USP24: variants seen among roughly 807,000 people sequenced by gnomAD.
The protein encoded by USP24 is ubiquitin carboxyl-terminal hydrolase 24.
USP24 carries 97 observed loss-of-function variants against 361.6 expected under a neutral mutation model. The ratio of observed to expected loss-of-function variants is 0.27; its 90% CI spans 0.23 to 0.32. The LOEUF (loss-of-function observed/expected upper bound fraction) is 0.32. USP24 is among the 10% of genes least tolerant of loss of function. USP24 has a pLI of 1.00. For missense variants in USP24, 2,353 were observed against 3,165.6 expected, an observed-to-expected ratio of 0.74 and a Z score of 6.16; for synonymous variants, 1,098 against 1,124.6, an observed-to-expected ratio of 0.98 and a Z score of 0.47.
intron 1 of USP24, among the ~76,000 whole-genome samples, chr1:55,185,603 C>CAA: frequency 1.3e-5 from 2 of 152,090 alleles, no homozygotes; most frequent in Non-Finnish European, 2.9e-5. Context: ...CTCTGTCATC[C>CAA]AGGCTGGAGT....
chr1:55,155,582 A>G (rs1647558891), intron 12 of USP24, among the ~76,000 whole-genome samples: 2 of 152,210 alleles, frequency 1.3e-5, no homozygotes, highest in Admixed American at 1.3e-4. Context: ...CATGGGAAGT[A>G]ATATCTTGGG....
At position 55,097,034 on chromosome 1, in the gene USP24, C is replaced by T; in HGVS notation, c.5854G>A (p.Glu1952Lys). The change falls in exon 49 of 68, where the codon GAA becomes AAA. Residue 1952 changes from glutamate (E) to lysine (K), a missense_variant. This residue lies in a region of USP24 where 598 missense variants were observed against 761.9 expected (regional missense o/e 0.78). Transcript: ENST00000294383. ...GSPRKKVALT[E>K]NYELVGVIVH... Reference sequence around the variant, plus strand: ...ATGACACCGACAAGTTCATAGTTTTCTGTGAGGGCAACCTTTTTTCGTGGG... The same window carrying T: ...ATGACACCGACAAGTTCATAGTTTTTTGTGAGGGCAACCTTTTTTCGTGGG... 1 of 1,613,934 alleles carries T rather than the reference C, an allele frequency of 6.2e-7. No individual in the cohort carries two copies. Among genetic ancestry groups the T allele is most frequent in the Non-Finnish European group, 8.5e-7 (1 of 1,179,888 alleles).
At position 55,067,155 on chromosome 1, in the gene USP24, C is replaced by T. The variant is rs1644838245; in HGVS notation, c.*1890G>A. ...GGGGACTAGAAGTGGCAATTTCACT[C>T]CTGATTTTGGGCTCCTGAGAGTGCA... On this transcript the variant is annotated 3_prime_UTR_variant, in exon 68 of 68. Transcript: ENST00000294383. The T allele has an allele frequency of 6.6e-6, 1 of 152,102 alleles. No homozygotes were observed. Among genetic ancestry groups the T allele is most frequent in the Admixed American group, 6.5e-5 (1 of 15,270 alleles). 9.4% of individuals were successfully genotyped at this position (152,102 alleles called of 1,614,324 possible). A position where few individuals can be genotyped will look rare whatever the true frequency, so the allele number is the denominator to read the frequency against.
intron 1 of USP24, among the ~76,000 whole-genome samples, chr1:55,197,407 G>T (rs962418876): frequency 3.3e-5 from 5 of 152,264 alleles, no homozygotes; most frequent in African/African-American, 1.2e-4. Flanking sequence ...TCCATTATCT[G>T]TAACAGTCCC....
intron 1 of USP24, among the ~76,000 whole-genome samples, chr1:55,195,907 C>G (rs1248127785): frequency 6.6e-6 from 1 of 152,094 alleles, no homozygotes; most frequent in African/African-American, 2.4e-5. Context: ...CTGAACTGTA[C>G]ACTTAAAAAA....
chr1:55,155,743 G>A (rs910051869), intron 12 of USP24, among the ~76,000 whole-genome samples: 2 of 152,154 alleles, frequency 1.3e-5, no homozygotes, highest in Non-Finnish European at 2.9e-5. Context: ...GCTGGGAGAT[G>A]AGTGGCAGGA....
At chr1:55,210,353 A>AT (rs1644819277) in intron 1 of USP24, among the ~76,000 whole-genome samples, 1 of 151,850 alleles carries the variant, frequency 6.6e-6, no homozygotes, top group African/African-American at 2.4e-5. Flanking sequence ...AAATTATTTC[A>AT]TTTTTTTACT....
At chr1:55,144,279 T>C in intron 20 of USP24, 76 bp from the exon 21 acceptor site, 1 of 974,578 alleles carries the variant, frequency 1.0e-6, no homozygotes, top group Non-Finnish European at 1.5e-6. Context: ...TCAAAGTGGA[T>C]CAAGAACTAA....
In USP24 at chr1:55,115,495, C is replaced by CAAAA. The variant is rs1165658382; in HGVS notation, c.4508+5097_4508+5100dup. On this transcript the variant is annotated intron_variant, in intron 38 of 67. Transcript: ENST00000294383. ...TGGGCGACAGAGCGAGACTCCGCCT[C>CAAAA]AAAAAAAAAAAAAAAAAAAAAGGAA... Among the ~76,000 whole-genome samples the CAAAA allele has an allele frequency of 6.3e-4, 29 of 45,840 alleles. 5 individuals carry two copies. Among genetic ancestry groups the CAAAA allele is most frequent in the East Asian group, 5.8e-3 (6 of 1,036 alleles). 30.1% of individuals were successfully genotyped at this position (45,840 alleles called of 152,430 possible). A position where few individuals can be genotyped will look rare whatever the true frequency, so the allele number is the denominator to read the frequency against.
intron 3 of USP24, among the ~76,000 whole-genome samples, chr1:55,175,559 C>T (rs550361034): frequency 2.6e-5 from 4 of 152,048 alleles, no homozygotes; most frequent in Non-Finnish European, 5.9e-5. Context: ...CAAACATTAC[C>T]CATCTGTAGT....
intron 32 of USP24, among the ~76,000 whole-genome samples, chr1:55,127,889 T>C (rs1646481766): frequency 6.6e-6 from 1 of 152,156 alleles, no homozygotes. Flanking sequence ...GAGATCTCTA[T>C]GCCCTGACGC....
At chr1:55,099,279 A>G (rs1042096979) in intron 45 of USP24, among the ~76,000 whole-genome samples, 26 of 152,208 alleles carry the variant, frequency 1.7e-4, no homozygotes, top group Non-Finnish European at 5.9e-5. Context: ...ATTCTAGGCC[A>G]GGCATGGTAC....
chr1:55,102,420 G>C (rs1036692478), intron 42 of USP24, among the ~76,000 whole-genome samples: 1 of 152,166 alleles, frequency 6.6e-6, no homozygotes, highest in African/African-American at 2.4e-5. Flanking sequence ...ACTTCTTCAA[G>C]TGGAAAAGGA....
chr1:55,205,302 A>C (rs546554587), intron 1 of USP24, among the ~76,000 whole-genome samples: 112 of 152,332 alleles, frequency 7.4e-4, no homozygotes, highest in African/African-American at 2.7e-3. Flanking sequence ...TGTCATAAAA[A>C]CAATTAGCAA....
intron 62 of USP24, 70 bp from the exon 63 acceptor site, chr1:55,075,593 A>G: frequency 3.8e-6 from 4 of 1,052,520 alleles, no homozygotes; most frequent in Non-Finnish European, 5.6e-6. Context: ...TGCTTTCTTT[A>G]TAATTCTACC....
intron 45 of USP24, 141 bp from the exon 46 acceptor site, chr1:55,098,699 AC>A: frequency 1.5e-6 from 1 of 661,788 alleles, no homozygotes; most frequent in Non-Finnish European, 2.7e-6. Flanking sequence ...TGGAGGCTAA[AC>A]CCATTATTGG....
chr1:55,069,099 T>C lies in USP24; in HGVS notation c.7809A>G (p.Glu2603=), dbSNP rs1387906317. The change falls in exon 68 of 68, where the codon GAA becomes GAG. Residue 2603 remains glutamate, a synonymous_variant. Coordinates refer to ENST00000294383, the MANE Select transcript of USP24 (RefSeq NM_015306.3). ...NGDRHLQQGS[E]SPMMIGELRS... is the part of the protein sequence containing the mutation. ...TCAACTCACCAATCATCATGGGAGA[T>C]TCTGAACCCTGCAGAAAAGAAAAGG... The C allele has an allele frequency of 1.2e-6, 2 of 1,613,866 alleles. No individual in the cohort carries two copies. The highest frequency in any genetic ancestry group is 2.7e-5 in the African/African-American group (2 of 74,924).
Position 55,206,329 on chromosome 1 carries a change from G to A in USP24, c.324+8461C>T, listed in dbSNP as rs114086629. Among the ~76,000 whole-genome samples the A allele has an allele frequency of 7.8e-3, 1,187 of 152,294 alleles. 17 individuals carry two copies. The highest frequency in any genetic ancestry group is 0.026 in the African/African-American group (1,079 of 41,546). ...TGTACATGCAAAATGCAGTGGGAGAGTGTAGTGGTGTAAGACAAGTGTTCC... is the reference window on the plus strand; with the variant it reads ...TGTACATGCAAAATGCAGTGGGAGAATGTAGTGGTGTAAGACAAGTGTTCC... On this transcript the variant is annotated intron_variant, in intron 1 of 67. Coordinates refer to ENST00000294383, the MANE Select transcript of USP24 (RefSeq NM_015306.3).
At chr1:55,148,105 A>AT (rs2100716633) in intron 17 of USP24, among the ~76,000 whole-genome samples, 1 of 152,252 alleles carries the variant, frequency 6.6e-6, no homozygotes, top group African/African-American at 2.4e-5. Flanking sequence ...AAGTCTATAC[A>AT]TTGAGGAAAC....
Sources: gnomAD v4.1 joint callset for allele counts (sites outside exome capture counted in the v4.1 genomes callset) on GRCh38, gnomAD v4.1.1 for gene constraint, gnomAD v4.1.1 regional missense constraint, MANE v1.5 for transcripts, NCBI Gene and HGNC (gene_info 2026-07-23, HGNC 2026-07-21) for gene names.